NRXN3: variants seen among roughly 807,000 people sequenced by gnomAD.
NRXN3 encodes neurexin 3.
A neutral mutation model predicts 137.6 loss-of-function variants in NRXN3; 32 were observed. The ratio of observed to expected loss-of-function variants is 0.23; its 90% CI spans 0.18 to 0.31. The LOEUF (loss-of-function observed/expected upper bound fraction) is 0.31, where lower values mean the gene tolerates loss of function less well. NRXN3 is among the 10% of genes least tolerant of loss of function. NRXN3 has a pLI of 1.00. For synonymous variants in NRXN3, 798 were observed against 784.5 expected (o/e 1.02, Z -0.29); for missense variants, 1,574 against 2,062.5 (o/e 0.76, Z 4.59).
chr14:79,656,711 G>A (rs1364820197), intron 16 of NRXN3, among the ~76,000 whole-genome samples: 1 of 150,270 alleles, frequency 6.7e-6, no homozygotes, highest in African/African-American at 2.5e-5. Context: ...ATTTCAGACT[G>A]TGGATCTAAT....
intron 15 of NRXN3, among the ~76,000 whole-genome samples, chr14:79,008,111 A>G (rs78402167): frequency 0.061 from 9,343 of 152,154 alleles, 775 homozygotes; most frequent in African/African-American, 0.19. Flanking sequence ...GTTATTCGGT[A>G]TTTTGGGGGG....
At chr14:78,638,902 GTTTC>G (rs1304206072) in intron 4 of NRXN3, among the ~76,000 whole-genome samples, 15 of 152,166 alleles carry the variant, frequency 9.9e-5, no homozygotes, top group Non-Finnish European at 1.8e-4. Flanking sequence ...TTCCCTAGAC[GTTTC>G]TTTCTGCAGT....
intron 19 of NRXN3, among the ~76,000 whole-genome samples, chr14:79,782,002 T>C (rs1199415832): frequency 6.6e-6 from 1 of 152,230 alleles, no homozygotes; most frequent in Non-Finnish European, 1.5e-5. Context: ...ATATGTTCAC[T>C]GCTGAAGAGC....
chr14:78,309,610 C>T (rs2077742635), intron 4 of NRXN3, among the ~76,000 whole-genome samples: 1 of 152,040 alleles, frequency 6.6e-6, no homozygotes, highest in Non-Finnish European at 1.5e-5. Flanking sequence ...GGTTTATTGA[C>T]TGTGGGACTT....
intron 10 of NRXN3, among the ~76,000 whole-genome samples, chr14:78,850,431 G>A (rs930109624): frequency 2.0e-5 from 3 of 152,086 alleles, no homozygotes; most frequent in Non-Finnish European, 4.4e-5. Context: ...TAGTACATTT[G>A]AATACGGATT....
intron 15 of NRXN3, among the ~76,000 whole-genome samples, chr14:79,200,498 A>T (rs912975491): frequency 2.6e-5 from 4 of 152,182 alleles, no homozygotes; most frequent in African/African-American, 9.7e-5. Context: ...CAGCTGCGTC[A>T]TCTGGAGATG....
chr14:79,417,444 T>C (rs1267326563), intron 15 of NRXN3, among the ~76,000 whole-genome samples: 1 of 152,158 alleles, frequency 6.6e-6, no homozygotes, highest in African/African-American at 2.4e-5. Context: ...GCTAGAGAAT[T>C]TGGCACAATT....
At chr14:78,764,892 C>T (rs564016453) in intron 8 of NRXN3, among the ~76,000 whole-genome samples, 1 of 152,234 alleles carries the variant, frequency 6.6e-6, no homozygotes, top group South Asian at 2.1e-4. Flanking sequence ...GCCAACCTCC[C>T]CAGCCTCACT....
intron 16 of NRXN3, among the ~76,000 whole-genome samples, chr14:79,517,044 A>G (rs1489898598): frequency 1.3e-5 from 2 of 151,654 alleles, no homozygotes; most frequent in Non-Finnish European, 1.5e-5. Flanking sequence ...ATTTCAATAG[A>G]TAGAAGGATT....
intron 8 of NRXN3, among the ~76,000 whole-genome samples, chr14:78,778,279 A>G (rs1423710745): frequency 6.6e-6 from 1 of 152,190 alleles, no homozygotes; most frequent in Admixed American, 6.5e-5. Flanking sequence ...AATGATAGAC[A>G]AGTCTGACAC....
At chr14:78,990,457 C>T (rs1238316953) in intron 15 of NRXN3, among the ~76,000 whole-genome samples, 3 of 149,928 alleles carry the variant, frequency 2.0e-5, no homozygotes, top group African/African-American at 7.5e-5. Flanking sequence ...CTGCAACCTC[C>T]ACCTCCCAGG....
At chr14:78,737,689 G>A (rs578226058) in intron 8 of NRXN3, among the ~76,000 whole-genome samples, 3 of 152,228 alleles carry the variant, frequency 2.0e-5, no homozygotes, top group African/African-American at 7.2e-5. Context: ...AGCTCTAAAC[G>A]ACAGCTGTGA....
rs576719061 is a variant in NRXN3, at chr14:79,321,313, T to C, written c.3263-145908T>C. Among the ~76,000 whole-genome samples the C allele has an allele frequency of 2.4e-3, 364 of 152,286 alleles. 2 individuals carry two copies. The highest frequency in any genetic ancestry group is 8.3e-3 in the African/African-American group (347 of 41,566). On this transcript the variant is annotated intron_variant, in intron 15 of 20. Coordinates refer to ENST00000335750, the MANE Select transcript of NRXN3 (RefSeq NM_001330195.2). ...AGTGTGAAGATAAGATACCATCTTA[T>C]CTAACTGGACCTTTAGTCCAGTGAA...
chr14:79,747,546 C>T (rs60056334), intron 19 of NRXN3, among the ~76,000 whole-genome samples: 4,255 of 152,054 alleles, frequency 0.028, 197 homozygotes, highest in African/African-American at 0.098. Context: ...AGTCAAGAGC[C>T]CCTTCTGAAC....
chr14:78,844,903 G>A (rs1275346584), intron 10 of NRXN3, among the ~76,000 whole-genome samples: 3 of 151,880 alleles, frequency 2.0e-5, no homozygotes, highest in Non-Finnish European at 4.4e-5. Context: ...TTATTTGTTG[G>A]CCATGCCTCA....
At chr14:78,396,667 T>C (rs2091489248) in intron 4 of NRXN3, among the ~76,000 whole-genome samples, 1 of 152,242 alleles carries the variant, frequency 6.6e-6, no homozygotes. Context: ...CTGGCCTCTA[T>C]GGCTTTTGAT....
intron 10 of NRXN3, among the ~76,000 whole-genome samples, chr14:78,825,306 G>T (rs1254205242): frequency 1.3e-5 from 2 of 151,316 alleles, no homozygotes; most frequent in African/African-American, 4.9e-5. Context: ...AGAGATTGAA[G>T]ATGATGACTC....
intron 7 of NRXN3, among the ~76,000 whole-genome samples, chr14:78,713,015 A>T (rs1043896963): frequency 6.6e-6 from 1 of 152,242 alleles, no homozygotes; most frequent in Non-Finnish European, 1.5e-5. Context: ...CTTGATACCA[A>T]TAAAGCACAT....
chr14:78,594,810 A>G (rs2097146416), intron 4 of NRXN3, among the ~76,000 whole-genome samples: 1 of 152,248 alleles, frequency 6.6e-6, no homozygotes, highest in Non-Finnish European at 1.5e-5. Context: ...GAGGAATAGC[A>G]GCTACCAGGA....
Sources: gnomAD v4.1 joint callset for allele counts (sites outside exome capture counted in the v4.1 genomes callset) on GRCh38, gnomAD v4.1.1 for gene constraint, MANE v1.5 for transcripts, NCBI Gene and HGNC (gene_info 2026-07-23, HGNC 2026-07-21) for gene names.